DTNB: variants seen among roughly 807,000 people sequenced by gnomAD.
DTNB encodes the protein DTN-B.
DTNB carries 63 observed loss-of-function variants against 90.7 expected under a neutral mutation model. The observed-to-expected ratio is 0.69, with a 90% CI of 0.57 to 0.86. The LOEUF (loss-of-function observed/expected upper bound fraction) is 0.86. DTNB is among the 40% of genes least tolerant of loss of function. The pLI is 0.00. For synonymous variants in DTNB, 277 were observed against 286.7 expected, an observed-to-expected ratio of 0.97 and a Z score of 0.34; for missense variants, 744 against 807.1, an observed-to-expected ratio of 0.92 and a Z score of 0.95.
chr2:25,420,248 C>G (rs1234926467), intron 15 of DTNB, among the ~76,000 whole-genome samples: 2 of 136,464 alleles, frequency 1.5e-5, no homozygotes, highest in African/African-American at 5.3e-5. Context: ...CGTCTACTTG[C>G]TTTCAGGCAC....
chr2:25,651,989 T>C (rs771925080), intron 2 of DTNB, among the ~76,000 whole-genome samples: 21 of 152,200 alleles, frequency 1.4e-4, no homozygotes, highest in Non-Finnish European at 2.8e-4. Context: ...CTTGAGTTGG[T>C]CAAGGTCACA....
chr2:25,500,510 G>A (rs1302702060), intron 9 of DTNB, among the ~76,000 whole-genome samples: 1 of 152,150 alleles, frequency 6.6e-6, no homozygotes, highest in African/African-American at 2.4e-5. Context: ...TAAAAGAAAT[G>A]TAAAATGCCC....
chr2:25,381,002 G>C (rs1182474016), intron 19 of DTNB, among the ~76,000 whole-genome samples: 1 of 152,262 alleles, frequency 6.6e-6, no homozygotes, highest in African/African-American at 2.4e-5. Flanking sequence ...AGAGTTCGTG[G>C]CCAGGGCAAG....
intron 8 of DTNB, among the ~76,000 whole-genome samples, chr2:25,544,357 A>G (rs1465494589): frequency 1.3e-5 from 2 of 152,224 alleles, no homozygotes; most frequent in African/African-American, 4.8e-5. Context: ...TGTGTTTTCA[A>G]TCAGCCTCAA....
At chr2:25,597,294 A>G (rs1175703841) in intron 5 of DTNB, among the ~76,000 whole-genome samples, 1 of 151,766 alleles carries the variant, frequency 6.6e-6, no homozygotes, top group Non-Finnish European at 1.5e-5. Context: ...TGCCATGATC[A>G]CACCACTGCA....
intron 6 of DTNB, among the ~76,000 whole-genome samples, chr2:25,584,156 T>C (rs2061994512): frequency 6.6e-6 from 1 of 152,222 alleles, no homozygotes; most frequent in African/African-American, 2.4e-5. Flanking sequence ...CTTTGGAATA[T>C]TTCATAATAA....
chr2:25,610,033 A>G (rs896228948), intron 4 of DTNB, among the ~76,000 whole-genome samples: 3 of 151,644 alleles, frequency 2.0e-5, no homozygotes, highest in African/African-American at 4.8e-5. Flanking sequence ...TGTAGATGTC[A>G]TAAGTTACTG....
At chr2:25,650,550 G>C (rs2080668624) in intron 2 of DTNB, among the ~76,000 whole-genome samples, 1 of 152,206 alleles carries the variant, frequency 6.6e-6, no homozygotes, top group Non-Finnish European at 1.5e-5. Flanking sequence ...TGGAAAAATT[G>C]GGAACTAGTG....
At chr2:25,489,772 G>T (rs1575051342) in intron 9 of DTNB, among the ~76,000 whole-genome samples, 1 of 151,972 alleles carries the variant, frequency 6.6e-6, no homozygotes, top group East Asian at 1.9e-4. Context: ...AAAAACACCA[G>T]TTAATTTGAA....
chr2:25,581,131 T>C (rs975345233), intron 6 of DTNB, among the ~76,000 whole-genome samples: 1 of 152,306 alleles, frequency 6.6e-6, no homozygotes, highest in Non-Finnish European at 1.5e-5. Flanking sequence ...AGTTTTGTAG[T>C]GGCCTGGCCC....
At chr2:25,668,046 T>C (rs1002786215) in intron 1 of DTNB, among the ~76,000 whole-genome samples, 13 of 152,276 alleles carry the variant, frequency 8.5e-5, no homozygotes, top group Non-Finnish European at 1.6e-4. Flanking sequence ...GAGACCATCC[T>C]GGTTAACATG....
chr2:25,408,887 G>A (rs952668224), intron 16 of DTNB, among the ~76,000 whole-genome samples: 1 of 152,130 alleles, frequency 6.6e-6, no homozygotes. Context: ...ATGATTTGAC[G>A]AAATGCCTCC....
At chr2:25,516,293 C>G (rs1371286208) in intron 9 of DTNB, among the ~76,000 whole-genome samples, 2 of 152,108 alleles carry the variant, frequency 1.3e-5, no homozygotes, top group African/African-American at 4.8e-5. Flanking sequence ...GTCATCCAGG[C>G]TGGAGTGCAG....
intron 2 of DTNB, among the ~76,000 whole-genome samples, chr2:25,639,794 G>A (rs190618139): frequency 5.9e-5 from 9 of 152,262 alleles, no homozygotes; most frequent in South Asian, 2.1e-4. Flanking sequence ...GATAACAGAC[G>A]GCATAGCTTG....
intron 9 of DTNB, among the ~76,000 whole-genome samples, chr2:25,505,041 G>A (rs9309386): frequency 0.29 from 44,220 of 152,082 alleles, 7,131 homozygotes; most frequent in Middle Eastern, 0.39. Context: ...TCTCTCCAGT[G>A]ACAAATAATT....
intron 19 of DTNB, among the ~76,000 whole-genome samples, chr2:25,381,599 C>G (rs973066895): frequency 6.6e-6 from 1 of 152,196 alleles, no homozygotes. Flanking sequence ...TGGTCTCAAA[C>G]TCCTGGCATC....
intron 6 of DTNB, among the ~76,000 whole-genome samples, chr2:25,590,583 G>T (rs1329753359): frequency 6.6e-6 from 1 of 151,978 alleles, no homozygotes; most frequent in African/African-American, 2.4e-5. Context: ...TCTGCAGCTG[G>T]TTGTCCCATC....
intron 9 of DTNB, among the ~76,000 whole-genome samples, chr2:25,489,033 A>G (rs1435139460): frequency 1.3e-5 from 2 of 152,196 alleles, no homozygotes; most frequent in African/African-American, 4.8e-5. Flanking sequence ...GGCTTAGATA[A>G]CAGGAACAGA....
chr2:25,486,438 G>C (rs2066165732), intron 9 of DTNB, among the ~76,000 whole-genome samples: 1 of 152,024 alleles, frequency 6.6e-6, no homozygotes, highest in African/African-American at 2.4e-5. Flanking sequence ...TGCACTTCAG[G>C]CTGGGTGACA....
Sources: allele counts gnomAD v4.1 joint callset (sites outside exome capture counted in the v4.1 genomes callset), GRCh38; gene constraint gnomAD v4.1.1; transcripts MANE v1.5; gene names NCBI Gene and HGNC (gene_info 2026-07-23, HGNC 2026-07-21).